ADCY1: variants seen among roughly 807,000 people sequenced by gnomAD.
ADCY1 encodes the protein adenylate cyclase 1.
In ADCY1, 28 loss-of-function variants were observed where a neutral mutation model predicts 105.4. The ratio of observed to expected loss-of-function variants is 0.27; its 90% CI spans 0.20 to 0.36. The LOEUF is 0.36. Ranked by LOEUF, ADCY1 falls within the 10% of genes least tolerant of loss-of-function variation. The pLI is 1.00. For missense variants in ADCY1, 977 were observed against 1,434.2 expected, an observed-to-expected ratio of 0.68 and a Z score of 5.15; for synonymous variants, 655 against 623.8, an observed-to-expected ratio of 1.05 and a Z score of -0.75.
Position 45,574,889 on chromosome 7 carries a change from G to T in ADCY1, c.346G>T (p.Val116Leu). Reference protein sequence around the residue: ...LVVTNVRSLQVPQLQQVGQLA... With the variant: ...LVVTNVRSLQLPQLQQVGQLA... ...GGTAACCAACGTCCGGTCCCTGCAG[G>T]TGCCCCAGCTGCAGCAGGTCGGCCA... Residue 116 changes from valine (V) to leucine (L), a missense_variant, in exon 1 of 20, where the codon GTG becomes TTG. Val to Leu is a conservative substitution (Grantham distance 32). Coordinates refer to ENST00000297323, the MANE Select transcript of ADCY1 (RefSeq NM_021116.4). This position sits in a 1 kb window ranked among gnomAD's most constrained non-coding sequence, Gnocchi z 7.0. 6.2e-7 allele frequency: 1 copy of T among 1,611,894 alleles called. No individual in the cohort carries two copies. The highest frequency in any genetic ancestry group is 8.5e-7 in the Non-Finnish European group (1 of 1,179,694).
In ADCY1 at chr7:45,686,606, G is replaced by A. The variant is rs758164889; in HGVS notation, c.2387G>A (p.Cys796Tyr). 8.1e-5 allele frequency: 130 copies of A among 1,613,614 alleles called. No homozygotes were observed. The highest frequency in any genetic ancestry group is 7.8e-5 in the Non-Finnish European group (92 of 1,179,726). ...ATTGTGGCCATCCTGCTCTTCTCCT[G>A]TGCGCTGGCCCTGCATGCCAGGCAG... Reference protein sequence around the residue: ...EPIVAILLFSCALALHARQVD... With the variant: ...EPIVAILLFSYALALHARQVD... Residue 796 changes from cysteine (C) to tyrosine (Y), a missense_variant, in exon 14 of 20, where the codon TGT becomes TAT. By Grantham distance (194) the Cys-to-Tyr change is radical. Coordinates refer to ENST00000297323, the MANE Select transcript of ADCY1 (RefSeq NM_021116.4). The surrounding 1 kb of genome is among the most constrained non-coding windows in gnomAD (Gnocchi z 4.3).
chr7:45,690,543 C>T (rs888822757), intron 14 of ADCY1, among the ~76,000 whole-genome samples: 6 of 152,216 alleles, frequency 3.9e-5, no homozygotes, highest in African/African-American at 9.6e-5. Flanking sequence ...CAAACCTGGC[C>T]GGAAGTAGGA....
intron 14 of ADCY1, among the ~76,000 whole-genome samples, chr7:45,687,681 T>C (rs1784711778): frequency 6.6e-6 from 1 of 152,222 alleles, no homozygotes; most frequent in African/African-American, 2.4e-5. Flanking sequence ...TTTGATCTCA[T>C]TCAGTCTTCA....
At chr7:45,654,684 G>A (rs1162640730) in intron 5 of ADCY1, among the ~76,000 whole-genome samples, 1 of 152,210 alleles carries the variant, frequency 6.6e-6, no homozygotes, top group East Asian at 1.9e-4. Context: ...TTGGATTCTA[G>A]TTTTCAGAGC....
chr7:45,610,683 G>A (rs1449642439), intron 3 of ADCY1, among the ~76,000 whole-genome samples, 186 bp downstream of exon 3: 1 of 139,586 alleles, frequency 7.2e-6, no homozygotes, highest in African/African-American at 2.7e-5. Context: ...GATAGGTGGA[G>A]GCGAGGAGGT....
intron 14 of ADCY1, among the ~76,000 whole-genome samples, chr7:45,692,536 G>A (rs989784586): frequency 3.9e-5 from 6 of 152,188 alleles, no homozygotes; most frequent in African/African-American, 1.4e-4. Flanking sequence ...GGATGAGTAG[G>A]AATTAGCCAA....
chr7:45,576,244 T>C (rs1396181267), intron 1 of ADCY1, among the ~76,000 whole-genome samples: 2 of 151,864 alleles, frequency 1.3e-5, no homozygotes, highest in Admixed American at 6.6e-5. Context: ...GAAGAATAAC[T>C]GGGGGGCGGT....
chr7:45,662,603 G>A (rs963656945), intron 8 of ADCY1, among the ~76,000 whole-genome samples: 3 of 152,068 alleles, frequency 2.0e-5, no homozygotes, highest in Non-Finnish European at 4.4e-5. Flanking sequence ...TGCCCCCAGC[G>A]TCCAAGCCTG....
intron 19 of ADCY1, among the ~76,000 whole-genome samples, chr7:45,711,644 T>TATATATACACACAC (rs1189707139): frequency 1.9e-5 from 1 of 51,510 alleles, no homozygotes; most frequent in Non-Finnish European, 4.0e-5. Context: ...TATATATATA[T>TATATATACACACAC]ACACACACAC....
chr7:45,627,859 G>A (rs150676097), intron 4 of ADCY1, among the ~76,000 whole-genome samples: 2,916 of 152,284 alleles, frequency 0.019, 40 homozygotes, highest in Middle Eastern at 0.048. Flanking sequence ...GTGGGGAGAT[G>A]CATCTGCAGA....
At position 45,610,341 on chromosome 7, in the gene ADCY1, G is replaced by A. The variant is rs747142776; in HGVS notation, c.790-38G>A. 1.1e-5 allele frequency: 18 copies of A among 1,573,442 alleles called. No homozygotes were observed. The Admixed American group carries it at 1.5e-4, about 13-fold the overall frequency. Reference sequence around the variant, plus strand: ...AGGTGAGGAGGAGTGGAGGGAGGGGGCCCTGCTGTCTAACCCGGGCCCTTC... The same window carrying A: ...AGGTGAGGAGGAGTGGAGGGAGGGGACCCTGCTGTCTAACCCGGGCCCTTC... On this transcript the variant is annotated intron_variant, in intron 2 of 19. Coordinates refer to ENST00000297323, the MANE Select transcript of ADCY1 (RefSeq NM_021116.4).
At chr7:45,639,157 T>C (rs1794474745) in intron 4 of ADCY1, among the ~76,000 whole-genome samples, 1 of 152,248 alleles carries the variant, frequency 6.6e-6, no homozygotes, top group African/African-American at 2.4e-5. Context: ...ACAGAACATG[T>C]TTGCCTTAGT....
intron 8 of ADCY1, among the ~76,000 whole-genome samples, chr7:45,672,448 T>C (rs1380592256): frequency 2.0e-5 from 3 of 151,972 alleles, no homozygotes; most frequent in Non-Finnish European, 4.4e-5. Flanking sequence ...ATGAACGTGG[T>C]ATGCCTCTTC....
intron 14 of ADCY1, among the ~76,000 whole-genome samples, chr7:45,694,110 T>G (rs1584336791): frequency 2.4e-5 from 1 of 41,570 alleles, no homozygotes; most frequent in Non-Finnish European, 4.8e-5. Flanking sequence ...AAACTTAGAG[T>G]ATAATAAAAA....
intron 4 of ADCY1, among the ~76,000 whole-genome samples, chr7:45,639,545 C>T (rs556741745): frequency 2.8e-4 from 43 of 152,328 alleles, no homozygotes; most frequent in Non-Finnish European, 1.9e-4. Context: ...GGCAGGTTAT[C>T]AGCTGGGCTG....
chr7:45,584,943 G>A (rs1420716906), intron 1 of ADCY1, among the ~76,000 whole-genome samples: 5 of 152,246 alleles, frequency 3.3e-5, no homozygotes, highest in African/African-American at 9.6e-5. Flanking sequence ...CCGGGAGTCA[G>A]GGCAGCCTGT....
At chr7:45,663,518 C>T (rs968346439) in intron 8 of ADCY1, among the ~76,000 whole-genome samples, 4 of 152,086 alleles carry the variant, frequency 2.6e-5, no homozygotes, top group Admixed American at 6.6e-5. Flanking sequence ...GCCAGGCGGG[C>T]GGGAGCTGTT....
chr7:45,696,647 C>T (rs868170012), intron 14 of ADCY1, among the ~76,000 whole-genome samples: 19 of 152,158 alleles, frequency 1.2e-4, no homozygotes, highest in Non-Finnish European at 2.4e-4. Context: ...TCCCCAGGAC[C>T]GTTCAGCTTC....
intron 2 of ADCY1, among the ~76,000 whole-genome samples, chr7:45,609,536 T>G (rs990999606): frequency 6.6e-5 from 10 of 152,234 alleles, no homozygotes; most frequent in Non-Finnish European, 8.8e-5. Context: ...TTCTACCTGA[T>G]TCTACGTGGG....
Sources: gnomAD v4.1 joint callset for allele counts (sites outside exome capture counted in the v4.1 genomes callset) on GRCh38, gnomAD v4.1.1 for gene constraint, Gnocchi (gnomAD v3.1) non-coding constraint, MANE v1.5 for transcripts, NCBI Gene and HGNC (gene_info 2026-07-23, HGNC 2026-07-21) for gene names.